The following LRRC38 variants were observed in gnomAD, a reference collection of about 807,000 sequenced individuals.
LRRC38 encodes leucine rich repeat containing 38, also known as leucine-rich repeat-containing protein 38.
LRRC38 carries 5 observed loss-of-function variants against 16.4 expected under a neutral mutation model. The ratio of observed to expected loss-of-function variants is 0.31; its 90% CI spans 0.16 to 0.64. The LOEUF (loss-of-function observed/expected upper bound fraction) is 0.64. Ranked by LOEUF, LRRC38 falls within the 30% of genes least tolerant of loss-of-function variation. The probability of loss-of-function intolerance (pLI) is 0.80; values close to 1 mark genes in which losing one functional copy is unlikely to be tolerated. For missense variants in LRRC38, 341 were observed against 401.8 expected, an observed-to-expected ratio of 0.85 and a Z score of 1.29; for synonymous variants, 191 against 190.2, an observed-to-expected ratio of 1.00 and a Z score of -0.04.
chr1:13,502,044 C>T (rs1378793271), intron 1 of LRRC38, among the ~76,000 whole-genome samples: 1 of 151,926 alleles, frequency 6.6e-6, no homozygotes, highest in Non-Finnish European at 1.5e-5. Flanking sequence ...TCTGCTGCCT[C>T]AGCCTCCCCA....
Position 13,487,344 on chromosome 1 carries a change from T to C in LRRC38, c.632-11245A>G, listed in dbSNP as rs190261672. On this transcript the variant is annotated intron_variant, in intron 1 of 1. Coordinates refer to ENST00000376085, the MANE Select transcript of LRRC38 (RefSeq NM_001010847.2). This position sits in a 1 kb window ranked among gnomAD's most constrained non-coding sequence, Gnocchi z 4.4. Reference sequence around the variant, plus strand: ...CTGTTGTTCTATAAAACCATGTGCTTGGTGGCATGAGGGCTTTGGGAGGCA... The same window carrying C: ...CTGTTGTTCTATAAAACCATGTGCTCGGTGGCATGAGGGCTTTGGGAGGCA... 1.9e-3 allele frequency among the ~76,000 whole-genome samples: 291 copies of C among 152,304 alleles called. 5 individuals are homozygous for C. Among genetic ancestry groups the C allele is most frequent in the Non-Finnish European group, 3.1e-4 (21 of 68,024 alleles).
intron 1 of LRRC38, among the ~76,000 whole-genome samples, chr1:13,504,137 A>G (rs745319375): frequency 2.0e-5 from 3 of 152,236 alleles, no homozygotes; most frequent in Non-Finnish European, 2.9e-5. Flanking sequence ...CAAAATAATA[A>G]CAGCTTCTAT....
At chr1:13,482,503 C>T (rs1379493668) in intron 1 of LRRC38, among the ~76,000 whole-genome samples, 1 of 151,866 alleles carries the variant, frequency 6.6e-6, no homozygotes, top group Non-Finnish European at 1.5e-5. Context: ...TTTCTTGAGC[C>T]CCAGAGGCAA....
At chr1:13,505,964 T>C (rs1175964138) in intron 1 of LRRC38, among the ~76,000 whole-genome samples, 1 of 152,082 alleles carries the variant, frequency 6.6e-6, no homozygotes, top group African/African-American at 2.4e-5. Flanking sequence ...GGAGCTCGGT[T>C]GATTCTAAAT....
intron 1 of LRRC38, among the ~76,000 whole-genome samples, chr1:13,504,582 G>A (rs1557504473): frequency 6.6e-6 from 1 of 151,712 alleles, no homozygotes; most frequent in Non-Finnish European, 1.5e-5. Context: ...ATAGCTGGGT[G>A]TGGTAGTGTA....
At chr1:13,509,146 C>T (rs1187952587) in intron 1 of LRRC38, among the ~76,000 whole-genome samples, 1 of 152,148 alleles carries the variant, frequency 6.6e-6, no homozygotes, top group Admixed American at 6.5e-5. Flanking sequence ...CTGTTTAATT[C>T]CGCCCCAGTC....
intron 1 of LRRC38, among the ~76,000 whole-genome samples, chr1:13,485,609 C>T (rs867158478): frequency 1.3e-5 from 2 of 152,022 alleles, no homozygotes; most frequent in Non-Finnish European, 2.9e-5. Flanking sequence ...AAGTTATTGC[C>T]GGGACACTAA....
At chr1:13,501,467 A>G (rs1322139398) in intron 1 of LRRC38, among the ~76,000 whole-genome samples, 2,804 of 144,664 alleles carry the variant, frequency 0.019, 105 homozygotes, top group African/African-American at 0.074. Context: ...GGGGTGCAGT[A>G]GAGTGATCTC....
chr1:13,506,722 G>C (rs542434358), intron 1 of LRRC38, among the ~76,000 whole-genome samples: 94 of 152,348 alleles, frequency 6.2e-4, no homozygotes, highest in African/African-American at 1.9e-3. Context: ...GCCTCCCAAA[G>C]TGCTGGGATT....
chr1:13,494,182 A>ACC (rs1427468894), intron 1 of LRRC38, among the ~76,000 whole-genome samples: 3 of 152,080 alleles, frequency 2.0e-5, no homozygotes, highest in Non-Finnish European at 4.4e-5. Flanking sequence ...ACTCACACAT[A>ACC]CCCCTAGGTT....
intron 1 of LRRC38, among the ~76,000 whole-genome samples, chr1:13,502,441 T>A (rs867647093): frequency 5.3e-5 from 8 of 151,976 alleles, no homozygotes; most frequent in Non-Finnish European, 1.2e-4. Flanking sequence ...CTGGGAGGGT[T>A]CCTCACCCGC....
At chr1:13,507,447 G>A (rs78661009) in intron 1 of LRRC38, among the ~76,000 whole-genome samples, 2,111 of 152,326 alleles carry the variant, frequency 0.014, 53 homozygotes, top group African/African-American at 0.049. Flanking sequence ...ATGTTCACTC[G>A]ACCAGTGAGC....
rs370086611 is a variant in LRRC38 at position 13,503,338 on chromosome 1, G to A, written c.631+9625C>T. 1.4e-4 allele frequency among the ~76,000 whole-genome samples: 22 copies of A among 151,978 alleles called. No individual in the cohort carries two copies. The South Asian group carries it at 2.5e-3, about 17-fold the overall frequency. The stretch of plus-strand genomic sequence containing the variant: ...CTGGAGTGCAGTGTGGCACGATCTC[G>A]GCTCACTGCAAGCTCCGCCTCCTGG... On this transcript the variant is annotated intron_variant, in intron 1 of 1. Transcript: ENST00000376085.
intron 1 of LRRC38, among the ~76,000 whole-genome samples, chr1:13,484,559 C>G (rs1179863617): frequency 1.3e-5 from 2 of 152,238 alleles, no homozygotes; most frequent in Non-Finnish European, 2.9e-5. Flanking sequence ...TGGTGCTGGA[C>G]CGGCACAGGC....
intron 1 of LRRC38, among the ~76,000 whole-genome samples, chr1:13,482,773 G>A (rs3845608): frequency 6.6e-6 from 1 of 152,058 alleles, no homozygotes; most frequent in Non-Finnish European, 1.5e-5. Context: ...GACCTATCCC[G>A]TCAGCTGTCT....
At chr1:13,497,940 A>G (rs539209652) in intron 1 of LRRC38, among the ~76,000 whole-genome samples, 1 of 148,190 alleles carries the variant, frequency 6.7e-6, no homozygotes, top group East Asian at 2.0e-4. Flanking sequence ...AGCCTGGGCA[A>G]CAAGAGTGAA....
At chr1:13,481,642 G>A (rs575366493) in intron 1 of LRRC38, among the ~76,000 whole-genome samples, 18 of 151,388 alleles carry the variant, frequency 1.2e-4, no homozygotes, top group East Asian at 9.8e-4. Context: ...TGATCCGCCC[G>A]CCTTGGCCTC....
At position 13,487,139 on chromosome 1, in the gene LRRC38, ACTAT is replaced by A. The variant is rs1638944971; in HGVS notation, c.632-11044_632-11041del. The stretch of plus-strand genomic sequence containing the variant: ...TCCAGGCTTCTCTTCAATTCTGTGA[ACTAT>A]CTGACATCCCTGCAACAAATTCCTT... On this transcript the variant is annotated intron_variant, in intron 1 of 1. Transcript: ENST00000376085. This position sits in a 1 kb window ranked among gnomAD's most constrained non-coding sequence, Gnocchi z 4.4. Among the ~76,000 whole-genome samples, 1 of 152,148 alleles carries A rather than the reference ACTAT, an allele frequency of 6.6e-6. No homozygotes were observed. The highest frequency in any genetic ancestry group is 1.5e-5 in the Non-Finnish European group (1 of 68,026).
rs1263191963 is a variant in LRRC38 at position 13,513,198 on chromosome 1, C to T, written c.396G>A (p.Lys132=). ...GAFRSAGRLV[K]LSLANNNLVG... is the part of the protein sequence containing the mutation. ...CCAGGTTGTTGTTAGCCAGGCTAAGCTTCACCAGCCTCCCGGCCGAGCGGA... is the reference window on the plus strand; with the variant it reads ...CCAGGTTGTTGTTAGCCAGGCTAAGTTTCACCAGCCTCCCGGCCGAGCGGA... Residue 132 remains lysine (K), a synonymous_variant, in exon 1 of 2, where the codon AAG becomes AAA. Transcript: ENST00000376085. The T allele has an allele frequency of 1.3e-6, 2 of 1,550,504 alleles. No individual in the cohort carries two copies. Among genetic ancestry groups the T allele is most frequent in the Non-Finnish European group, 1.7e-6 (2 of 1,146,954 alleles).
Sources: allele counts gnomAD v4.1 joint callset (sites outside exome capture counted in the v4.1 genomes callset), GRCh38; gene constraint gnomAD v4.1.1; non-coding constraint Gnocchi (gnomAD v3.1); transcripts MANE v1.5; gene names NCBI Gene and HGNC (gene_info 2026-07-23, HGNC 2026-07-21).